Variants in PTPRK observed in about 807,000 individuals in gnomAD.
PTPRK encodes protein tyrosine phosphatase receptor type K.
PTPRK carries 75 observed loss-of-function variants against 178.0 expected under a neutral mutation model. The ratio of observed to expected loss-of-function variants is 0.42; its 90% confidence interval spans 0.35 to 0.51. The LOEUF is 0.51. Ranked by LOEUF, PTPRK falls within the 20% of genes least tolerant of loss-of-function variation. The pLI is 0.02. For synonymous variants in PTPRK, 637 were observed against 620.6 expected (o/e 1.03, Z -0.39); for missense variants, 1,441 against 1,797.8 (o/e 0.80, Z 3.59).
At position 128,192,522 on chromosome 6, in the gene PTPRK, G is replaced by A. The variant is rs898938835; in HGVS notation, c.869-7797C>T. Among the ~76,000 whole-genome samples, 9 of 151,960 alleles carry A rather than the reference G, an allele frequency of 5.9e-5. 1 individual carries two copies. In the South Asian group the frequency reaches 8.3e-4, roughly 14 times the overall value. The stretch of plus-strand genomic sequence containing the variant: ...AAGAAAAAAAGTTACCCATGCCACC[G>A]TAAGAAAAACTTATCAGCTGGGAGC... On this transcript the variant is annotated intron_variant, in intron 6 of 29. Transcript: ENST00000368226.
In PTPRK at chr6:128,245,443, A is replaced by C. The variant is rs368860901; in HGVS notation, c.496-2841T>G. 1.5e-4 allele frequency among the ~76,000 whole-genome samples: 23 copies of C among 152,326 alleles called. No individual in the cohort carries two copies. The East Asian group carries it at 2.3e-3, about 15-fold the overall frequency. ...GTTCCATTAAACCCTTTCCATTCTC[A>C]CACTACAACCACCTCAAAGTCAATA... On this transcript the variant is annotated intron_variant, in intron 3 of 29. Coordinates refer to ENST00000368226, the MANE Select transcript of PTPRK (RefSeq NM_002844.4).
intron 7 of PTPRK, among the ~76,000 whole-genome samples, chr6:128,142,662 AAAG>A (rs1485819383): frequency 6.6e-6 from 1 of 152,170 alleles, no homozygotes; most frequent in Admixed American, 6.6e-5. Context: ...TTTTTTAAAT[AAAG>A]AAGTGGACTC....
intron 7 of PTPRK, among the ~76,000 whole-genome samples, chr6:128,156,133 T>C (rs548867160): frequency 2.0e-4 from 31 of 151,958 alleles, no homozygotes; most frequent in Non-Finnish European, 3.5e-4. Flanking sequence ...TGGTCATCTA[T>C]GTATTCTTTA....
At chr6:128,061,458 A>C (rs2114915373) in intron 13 of PTPRK, among the ~76,000 whole-genome samples, 1 of 152,216 alleles carries the variant, frequency 6.6e-6, no homozygotes, top group Middle Eastern at 3.4e-3. Context: ...TTTTCAGCAA[A>C]ATTGATCTAA....
chr6:128,047,071 A>G (rs1445728041), intron 13 of PTPRK, among the ~76,000 whole-genome samples: 1 of 152,216 alleles, frequency 6.6e-6, no homozygotes, highest in Non-Finnish European at 1.5e-5. Context: ...TCATCAAGTA[A>G]TTAGTGAATA....
At chr6:128,180,511 G>A (rs991975477) in intron 7 of PTPRK, among the ~76,000 whole-genome samples, 3 of 152,034 alleles carry the variant, frequency 2.0e-5, no homozygotes, top group African/African-American at 7.2e-5. Flanking sequence ...TCAGCCACTG[G>A]AGGCTGTAAT....
intron 1 of PTPRK, among the ~76,000 whole-genome samples, chr6:128,484,265 A>G (rs1206950376): frequency 6.6e-6 from 1 of 152,160 alleles, no homozygotes; most frequent in African/African-American, 2.4e-5. Flanking sequence ...TGTTTTCTCA[A>G]AAATATAGGT....
chr6:128,055,215 C>T (rs1362541068), intron 13 of PTPRK, among the ~76,000 whole-genome samples: 3 of 152,116 alleles, frequency 2.0e-5, no homozygotes, highest in African/African-American at 7.2e-5. Context: ...AATTTGAATT[C>T]ACTTTTTCCA....
At position 127,982,935 on chromosome 6, in the gene PTPRK, A is replaced by G; in HGVS notation, c.3433T>C (p.Cys1145Arg). ...CAGACAGGTATGGCAGTTTCTCCACATAAGCAGGCTTCTAAAATGGCATCA... is the reference window on the plus strand; with the variant it reads ...CAGACAGGTATGGCAGTTTCTCCACGTAAGCAGGCTTCTAAAATGGCATCA... ...IHDAILEACLCGETAIPVCEF... is the reference protein window; with the variant it reads ...IHDAILEACLRGETAIPVCEF... The change falls in exon 24 of 30, where the codon TGT becomes CGT. Residue 1145 changes from cysteine to arginine, a missense_variant. Cys to Arg is a radical substitution (Grantham distance 180). Transcript: ENST00000368226. 6.2e-7 allele frequency: 1 copy of G among 1,613,434 alleles called. No homozygotes were observed. The highest frequency in any genetic ancestry group is 8.5e-7 in the Non-Finnish European group (1 of 1,179,494).
intron 3 of PTPRK, among the ~76,000 whole-genome samples, chr6:128,247,753 C>A (rs886185535): frequency 2.0e-5 from 3 of 152,196 alleles, no homozygotes; most frequent in African/African-American, 7.2e-5. Context: ...TCCTGCCACA[C>A]AGTAAGCATG....
chr6:128,258,670 A>G (rs1319250416), intron 3 of PTPRK, among the ~76,000 whole-genome samples: 1 of 152,358 alleles, frequency 6.6e-6, no homozygotes, highest in East Asian at 1.9e-4. Flanking sequence ...AACAGTGACC[A>G]AAGTGCTAAG....
chr6:127,976,250 C>T (rs1774577364), intron 27 of PTPRK, among the ~76,000 whole-genome samples: 1 of 152,060 alleles, frequency 6.6e-6, no homozygotes, highest in Non-Finnish European at 1.5e-5. Flanking sequence ...TTTCCTCCTG[C>T]AGTACAGTTT....
chr6:128,294,481 G>T (rs1427192600), intron 3 of PTPRK, among the ~76,000 whole-genome samples: 1 of 152,034 alleles, frequency 6.6e-6, no homozygotes, highest in South Asian at 2.1e-4. Flanking sequence ...GTCCTCTTGG[G>T]TTTCACAGAC....
At chr6:128,407,655 A>AG (rs1562459483) in intron 1 of PTPRK, among the ~76,000 whole-genome samples, 4 of 116,822 alleles carry the variant, frequency 3.4e-5, no homozygotes, top group Admixed American at 9.1e-5. Context: ...AAAAAAAAAA[A>AG]GAAGAAGAAG....
chr6:128,149,153 C>CG (rs1187586671), intron 7 of PTPRK, among the ~76,000 whole-genome samples: 1 of 104,026 alleles, frequency 9.6e-6, no homozygotes, highest in Non-Finnish European at 1.8e-5. Context: ...ACATCACACA[C>CG]GGGGGCCTGT....
intron 3 of PTPRK, among the ~76,000 whole-genome samples, chr6:128,304,666 A>G (rs1306211292): frequency 6.6e-6 from 1 of 152,210 alleles, no homozygotes; most frequent in Non-Finnish European, 1.5e-5. Flanking sequence ...AACGATGATT[A>G]CCTGTTTAAA....
At chr6:128,295,250 A>C (rs1470262937) in intron 3 of PTPRK, among the ~76,000 whole-genome samples, 1 of 152,082 alleles carries the variant, frequency 6.6e-6, no homozygotes, top group Non-Finnish European at 1.5e-5. Context: ...AACCACTTAA[A>C]AGTGTAAAAA....
At chr6:128,418,086 T>A (rs1010164666) in intron 1 of PTPRK, among the ~76,000 whole-genome samples, 1 of 152,276 alleles carries the variant, frequency 6.6e-6, no homozygotes, top group East Asian at 1.9e-4. Flanking sequence ...AAAATTGATA[T>A]GTATTTTTGC....
At chr6:128,437,661 T>C (rs534842855) in intron 1 of PTPRK, among the ~76,000 whole-genome samples, 66 of 152,310 alleles carry the variant, frequency 4.3e-4, no homozygotes, top group African/African-American at 1.5e-3. Flanking sequence ...GAGGAGAGTG[T>C]AGAATAAAGA....
Sources: gnomAD v4.1 joint callset for allele counts (sites outside exome capture counted in the v4.1 genomes callset) on GRCh38, gnomAD v4.1.1 for gene constraint, MANE v1.5 for transcripts, NCBI Gene and HGNC (gene_info 2026-07-23, HGNC 2026-07-21) for gene names.